The following TIAM1 variants were observed in gnomAD, a reference collection of about 807,000 sequenced individuals.
TIAM1 encodes TIAM Rac1 associated GEF 1.
Under a neutral mutation model 163.5 loss-of-function variants are expected in TIAM1, and 65 were observed. The observed-to-expected ratio is 0.40, with a 90% confidence interval of 0.33 to 0.49. The LOEUF is 0.49. Ranked by LOEUF, TIAM1 falls within the 20% of genes least tolerant of loss-of-function variation. The pLI is 0.77. For missense variants in TIAM1, 1,789 were observed against 2,044.7 expected (o/e 0.87, Z 2.41); for synonymous variants, 833 against 810.1 (o/e 1.03, Z -0.48).
intron 4 of TIAM1, among the ~76,000 whole-genome samples, chr21:31,265,201 C>CTTTTTTTT (rs781091105): frequency 1.8e-5 from 2 of 109,984 alleles, no homozygotes; most frequent in Non-Finnish European, 3.7e-5. Context: ...CTTTCAAAAT[C>CTTTTTTTT]TTTTTTTTTT....
intron 2 of TIAM1, among the ~76,000 whole-genome samples, chr21:31,454,064 G>A (rs1457579864): frequency 6.6e-6 from 1 of 152,152 alleles, no homozygotes; most frequent in Non-Finnish European, 1.5e-5. Flanking sequence ...TTGCACTCCA[G>A]TTACCTCATG....
intron 16 of TIAM1, among the ~76,000 whole-genome samples, chr21:31,162,386 T>C (rs2083970394): frequency 6.6e-6 from 1 of 152,198 alleles, no homozygotes; most frequent in South Asian, 2.1e-4. Context: ...TTTAAGCTTT[T>C]TGCGTTCAAA....
At chr21:31,340,933 CA>C (rs1030533466) in intron 1 of TIAM1, among the ~76,000 whole-genome samples, 1 of 150,508 alleles carries the variant, frequency 6.6e-6, no homozygotes, top group Non-Finnish European at 1.5e-5. Flanking sequence ...GTAAGATAAT[CA>C]ACTAGGAAAA....
At chr21:31,518,011 A>G (rs922772430) in intron 1 of TIAM1, among the ~76,000 whole-genome samples, 5 of 152,126 alleles carry the variant, frequency 3.3e-5, no homozygotes, top group African/African-American at 1.2e-4. Context: ...TTTTCTCATG[A>G]ACTTGTAAAA....
At position 31,453,518 on chromosome 21, in the gene TIAM1, A is replaced by C. The variant is rs544263861; in HGVS notation, c.-369+10465T>G. 9.9e-5 allele frequency among the ~76,000 whole-genome samples: 15 copies of C among 151,894 alleles called. 1 individual carries two copies. Among genetic ancestry groups the C allele is most frequent in the Admixed American group, 5.3e-4 (8 of 15,230 alleles). On this transcript the variant is annotated intron_variant, in intron 2 of 28. Transcript: ENST00000286827. Reference sequence around the variant, plus strand: ...AGACCAGCCTGACCAACATGGCGAAACTCCATGTCTACAAAAATGCAAAAA... The same window carrying C: ...AGACCAGCCTGACCAACATGGCGAACCTCCATGTCTACAAAAATGCAAAAA...
In TIAM1 at chr21:31,182,778, G is replaced by T. The variant is rs1568984073; in HGVS notation, c.2663-133C>A. ...GGTGCTGCTGCAGACAGGCTGCGGTGCTCGGGAGTGATCCTCAGGAGAGGA... is the reference window on the plus strand; with the variant it reads ...GGTGCTGCTGCAGACAGGCTGCGGTTCTCGGGAGTGATCCTCAGGAGAGGA... On this transcript the variant is annotated intron_variant, in intron 14 of 27. Transcript: ENST00000541036. The T allele has an allele frequency of 9.3e-6, 8 of 860,192 alleles. No individual in the cohort carries two copies. The East Asian group carries it at 2.3e-4, about 24-fold the overall frequency. The allele number at this position is 860,192 out of a possible 1,614,324, so 53.3% of individuals were successfully genotyped here.
upstream of TIAM1, among the ~76,000 whole-genome samples, chr21:31,344,973 A>C (rs188859596): frequency 4.3e-4 from 65 of 152,304 alleles, no homozygotes; most frequent in Admixed American, 2.2e-3. Context: ...GAACATGCTA[A>C]CTTAAAGTTT....
intron 16 of TIAM1, among the ~76,000 whole-genome samples, chr21:31,157,957 A>G (rs1224962393): frequency 1.3e-5 from 2 of 152,214 alleles, no homozygotes; most frequent in Admixed American, 1.3e-4. Flanking sequence ...CAAAAGACAA[A>G]GGAACCTAAC....
chr21:31,534,645 G>A (rs78417998), intron 1 of TIAM1, among the ~76,000 whole-genome samples: 10 of 152,300 alleles, frequency 6.6e-5, no homozygotes, highest in Non-Finnish European at 8.8e-5. Flanking sequence ...TTGTACTCCA[G>A]CCTGGGCAAC....
At chr21:31,542,714 C>T (rs774723728) in intron 1 of TIAM1, among the ~76,000 whole-genome samples, 2 of 152,158 alleles carry the variant, frequency 1.3e-5, no homozygotes, top group Non-Finnish European at 2.9e-5. Context: ...TGCCTGTAAT[C>T]CCAGCACTTT....
intron 2 of TIAM1, among the ~76,000 whole-genome samples, chr21:31,420,296 C>T (rs2043520976): frequency 6.6e-6 from 1 of 152,190 alleles, no homozygotes; most frequent in African/African-American, 2.4e-5. Flanking sequence ...AGGACAGCCA[C>T]ATCAGCCTCC....
At chr21:31,406,467 C>A (rs569073357) in intron 2 of TIAM1, among the ~76,000 whole-genome samples, 28 of 151,968 alleles carry the variant, frequency 1.8e-4, no homozygotes, top group Admixed American at 1.6e-3. Flanking sequence ...TTATAATTCT[C>A]GGGAAGATTA....
chr21:31,243,519 A>G (rs183426332), intron 6 of TIAM1, among the ~76,000 whole-genome samples: 187 of 152,188 alleles, frequency 1.2e-3, no homozygotes, highest in African/African-American at 3.8e-3. Context: ...TCCAAATGTG[A>G]TTTAAATACA....
rs769740432 is a variant in TIAM1 at position 31,165,070 on chromosome 21, C to T, written c.2888-5G>A. The T allele has an allele frequency of 1.9e-6, 3 of 1,613,508 alleles. No homozygotes were observed. Among genetic ancestry groups the T allele is most frequent in the Middle Eastern group, 3.3e-4 (2 of 6,062 alleles). On this transcript the variant is annotated splice_polypyrimidine_tract_variant and splice_region_variant and intron_variant, in intron 15 of 27. Coordinates refer to ENST00000541036, the MANE Select transcript of TIAM1 (RefSeq NM_001353694.2). ...GCTCGCTGCAAAGGCTGTGCCCTGT[C>T]AGATGAAATCAGAAGAAAATGTGGG...
chr21:31,219,175 A>T (rs2087405056), intron 8 of TIAM1, among the ~76,000 whole-genome samples: 1 of 151,898 alleles, frequency 6.6e-6, no homozygotes, highest in African/African-American at 2.4e-5. Context: ...GAATCTCCAC[A>T]AGGACTCCAG....
At chr21:31,200,256 G>C (rs903189223) in intron 12 of TIAM1, among the ~76,000 whole-genome samples, 9 of 151,966 alleles carry the variant, frequency 5.9e-5, no homozygotes, top group Non-Finnish European at 1.0e-4. Flanking sequence ...AGAATTGCTT[G>C]AACCAAGGAG....
At position 31,124,563 on chromosome 21, in the gene TIAM1, A is replaced by C. The variant is rs774959368; in HGVS notation, c.4265T>G (p.Leu1422Trp). 1.9e-6 allele frequency: 3 copies of C among 1,613,584 alleles called. No homozygotes were observed. The highest frequency in any genetic ancestry group is 1.3e-5 in the African/African-American group (1 of 74,896). The stretch of plus-strand genomic sequence containing the variant: ...CGGCCTGGCCCCCTTCAGTGCACAC[A>C]ATCTTTTGCCTCCAAAAGGGACATA... ...QQYVPFGGKR[L>W]CALKGARPAM... The change falls in exon 27 of 28, where the codon TTG (leucine) becomes TGG (tryptophan). Residue 1422 changes from leucine (L) to tryptophan (W), a missense_variant. Leu to Trp is a moderately conservative substitution (Grantham distance 61). Transcript: ENST00000541036.
intron 6 of TIAM1, among the ~76,000 whole-genome samples, chr21:31,230,518 T>C (rs1364861350): frequency 6.6e-6 from 1 of 152,126 alleles, no homozygotes; most frequent in Non-Finnish European, 1.5e-5. Context: ...TCACAAGCAT[T>C]ACCCATTCGA....
At chr21:31,257,816 T>TC (rs531639459) in intron 4 of TIAM1, among the ~76,000 whole-genome samples, 85 of 151,660 alleles carry the variant, frequency 5.6e-4, no homozygotes, top group African/African-American at 2.0e-3. Context: ...AATACTCACG[T>TC]CCCCCCTTTT....
Sources: gnomAD v4.1 joint callset for allele counts (sites outside exome capture counted in the v4.1 genomes callset) on GRCh38, gnomAD v4.1.1 for gene constraint, MANE v1.5 for transcripts, NCBI Gene and HGNC (gene_info 2026-07-23, HGNC 2026-07-21) for gene names.